APOO: variants seen among roughly 807,000 people sequenced by gnomAD.
APOO encodes the protein apolipoprotein O.
APOO carries 11 observed loss-of-function variants against 23.1 expected under a neutral mutation model. That is an observed-to-expected ratio of 0.48 (90% confidence interval 0.30 to 0.79). The LOEUF (loss-of-function observed/expected upper bound fraction) is 0.79, where lower values mean the gene tolerates loss of function less well. Ranked by LOEUF, APOO falls within the 30% of genes least tolerant of loss-of-function variation. APOO has a pLI of 0.07. For missense variants in APOO, 160 were observed against 142.7 expected (o/e 1.12, Z -0.62); for synonymous variants, 59 against 54.8 (o/e 1.08, Z -0.34).
intron 7 of APOO, among the ~76,000 whole-genome samples, chrX:23,851,484 C>T (rs954468878): frequency 1.8e-5 from 2 of 111,942 alleles, no homozygotes; most frequent in African/African-American, 6.5e-5. Flanking sequence ...TGAGCCACCG[C>T]GCCCCACGGT....
At chrX:23,885,129 T>G (rs1926311601) in intron 1 of APOO, among the ~76,000 whole-genome samples, 1 of 109,798 alleles carries the variant, frequency 9.1e-6, no homozygotes, top group Non-Finnish European at 1.9e-5. Context: ...CCGGGTGCGG[T>G]GGCTCACGTC....
intron 4 of APOO, among the ~76,000 whole-genome samples, chrX:23,871,024 G>C (rs1178503787): frequency 1.8e-5 from 2 of 108,569 alleles, no homozygotes; most frequent in Non-Finnish European, 3.8e-5. Context: ...GGGAGGCAGA[G>C]GTTGCAGTGA....
intron 7 of APOO, among the ~76,000 whole-genome samples, chrX:23,855,557 A>G (rs972535827): frequency 6.3e-5 from 7 of 111,277 alleles, no homozygotes; most frequent in African/African-American, 2.0e-4. Flanking sequence ...AGGTATATTA[A>G]TATAAGAAGT....
intron 1 of APOO, among the ~76,000 whole-genome samples, chrX:23,889,821 CT>C (rs1765621606): frequency 9.1e-6 from 1 of 109,899 alleles, no homozygotes; most frequent in Admixed American, 9.8e-5. Context: ...GCCACCACGC[CT>C]GGCTAATTTT....
chrX:23,833,788 C>A (rs1279154126), intron 8 of APOO, among the ~76,000 whole-genome samples, 176 bp from the exon 9 acceptor site: 1 of 110,845 alleles, frequency 9.0e-6, no homozygotes, highest in Non-Finnish European at 1.9e-5. Context: ...TCGAGACCAG[C>A]CTGCCCAACA....
chrX:23,873,400 A>C (rs1461432993), intron 4 of APOO, among the ~76,000 whole-genome samples: 1 of 111,445 alleles, frequency 9.0e-6, no homozygotes, highest in East Asian at 2.8e-4. Flanking sequence ...TGAGGTCAGG[A>C]GTTTGAGACC....
intron 1 of APOO, among the ~76,000 whole-genome samples, chrX:23,886,255 C>T (rs1926362316): frequency 9.0e-6 from 1 of 111,270 alleles, no homozygotes; most frequent in African/African-American, 3.3e-5. Context: ...TGTTTTAAAA[C>T]CCATGGCCTC....
rs1217837546 is a variant in APOO at position 23,861,724 on chromosome X, T to C, written c.389-2991A>G. Reference sequence around the variant, plus strand: ...CTGGCCCTGGGTGCACCCTTGTATATGGTCACTTCCTGCCCAGCTCCCCTG... The same window carrying C: ...CTGGCCCTGGGTGCACCCTTGTATACGGTCACTTCCTGCCCAGCTCCCCTG... On this transcript the variant is annotated intron_variant, in intron 5 of 8. Coordinates refer to ENST00000379226, the MANE Select transcript of APOO (RefSeq NM_024122.5). Among the ~76,000 whole-genome samples the C allele has an allele frequency of 6.5e-5, 7 of 108,177 alleles. No homozygotes were observed. In the East Asian group the frequency reaches 2.0e-3, roughly 31 times the overall value. The allele number at this position is 108,177 out of a possible 115,157, so 93.9% of individuals were successfully genotyped here.
intron 1 of APOO, among the ~76,000 whole-genome samples, chrX:23,891,604 C>T (rs1489859760): frequency 1.8e-5 from 2 of 111,901 alleles, no homozygotes; most frequent in East Asian, 5.6e-4. Flanking sequence ...TCTCCCTAAG[C>T]CTCAGGCTTG....
At chrX:23,875,992 G>T (rs762725713) in intron 3 of APOO, among the ~76,000 whole-genome samples, 1 of 109,925 alleles carries the variant, frequency 9.1e-6, no homozygotes, top group Non-Finnish European at 1.9e-5. Flanking sequence ...GGCTGGGCAC[G>T]GTGGCTCACG....
At chrX:23,836,617 C>A (rs1923685289) in intron 8 of APOO, 3 of 701,903 alleles carry the variant, frequency 4.3e-6, no homozygotes, top group South Asian at 3.0e-5. Context: ...CCAGCCCCAG[C>A]CTAATTTCTT....
intron 1 of APOO, among the ~76,000 whole-genome samples, chrX:23,907,152 G>T (rs1927396501): frequency 9.0e-6 from 1 of 111,692 alleles, no homozygotes; most frequent in African/African-American, 3.3e-5. Context: ...AAAACGCAGG[G>T]AAGGGGGTCC....
chrX:23,875,916 G>A (rs1925827220), intron 3 of APOO, among the ~76,000 whole-genome samples: 1 of 109,971 alleles, frequency 9.1e-6, no homozygotes, highest in Admixed American at 9.9e-5. Flanking sequence ...CGTGAGGTCA[G>A]GAATTTGAGA....
intron 5 of APOO, among the ~76,000 whole-genome samples, chrX:23,862,429 A>T (rs754824328): frequency 1.1e-4 from 12 of 111,157 alleles, no homozygotes; most frequent in Non-Finnish European, 1.9e-4. Context: ...AAATAACTCA[A>T]TTGCTAATTA....
intron 4 of APOO, among the ~76,000 whole-genome samples, chrX:23,871,932 T>C (rs1925639191): frequency 8.9e-6 from 1 of 112,403 alleles, no homozygotes; most frequent in African/African-American, 3.2e-5. Flanking sequence ...TCATTTTAAA[T>C]ACTACTATAG....
At chrX:23,872,440 T>TA (rs1209558435) in intron 4 of APOO, among the ~76,000 whole-genome samples, 1 of 107,801 alleles carries the variant, frequency 9.3e-6, no homozygotes, top group African/African-American at 3.4e-5. Flanking sequence ...CATGGACAGA[T>TA]AAAAGACTAT....
intron 5 of APOO, among the ~76,000 whole-genome samples, chrX:23,859,272 C>A (rs1220361138): frequency 1.8e-5 from 2 of 111,618 alleles, no homozygotes; most frequent in Admixed American, 9.6e-5. Flanking sequence ...AGTTCAATGG[C>A]TTTTAGTATA....
At chrX:23,901,388 T>G (rs749517916) in intron 1 of APOO, among the ~76,000 whole-genome samples, 1 of 110,956 alleles carries the variant, frequency 9.0e-6, no homozygotes, top group African/African-American at 3.3e-5. Flanking sequence ...CATCAACTGA[T>G]TTCCCCCTTC....
chrX:23,850,523 T>C (rs896047056), intron 7 of APOO, among the ~76,000 whole-genome samples: 9 of 111,748 alleles, frequency 8.1e-5, no homozygotes, highest in African/African-American at 2.9e-4. Flanking sequence ...CCAACATGGG[T>C]ATTTTCCCAT....
Sources: allele counts gnomAD v4.1 joint callset (sites outside exome capture counted in the v4.1 genomes callset), GRCh38; gene constraint gnomAD v4.1.1; transcripts MANE v1.5; gene names NCBI Gene and HGNC (gene_info 2026-07-23, HGNC 2026-07-21).